Variants in CEMIP2 observed in about 807,000 individuals in gnomAD.
The protein encoded by CEMIP2 is cell surface hyaluronidase CEMIP2.
In CEMIP2, 79 loss-of-function variants were observed where a neutral mutation model predicts 146.9. The ratio of observed to expected loss-of-function variants is 0.54; its 90% CI spans 0.45 to 0.65. The LOEUF (loss-of-function observed/expected upper bound fraction) is 0.65. CEMIP2 is among the 30% of genes least tolerant of loss of function. The probability of loss-of-function intolerance (pLI) is 0.00; values close to 1 mark genes in which losing one functional copy is unlikely to be tolerated. For missense variants in CEMIP2, 1,596 were observed against 1,696.2 expected, an observed-to-expected ratio of 0.94 and a Z score of 1.04; for synonymous variants, 601 against 606.3, an observed-to-expected ratio of 0.99 and a Z score of 0.13.
At chr9:71,712,982 G>A (rs78506094) in intron 15 of CEMIP2, among the ~76,000 whole-genome samples, 93 of 152,152 alleles carry the variant, frequency 6.1e-4, no homozygotes, top group African/African-American at 2.1e-3. Context: ...CTACAACTAG[G>A]CAATGTTTTA....
intron 13 of CEMIP2, 59 bp from the exon 14 acceptor site, chr9:71,716,611 AATT>A: frequency 3.0e-6 from 4 of 1,338,292 alleles, no homozygotes; most frequent in Non-Finnish European, 2.1e-6. Context: ...AAAAAGAGGT[AATT>A]CTCTCAATAT....
chr9:71,691,528 T>C, intron 21 of CEMIP2, among the ~76,000 whole-genome samples: 1 of 151,888 alleles, frequency 6.6e-6, no homozygotes, highest in Non-Finnish European at 1.5e-5. Flanking sequence ...AGACTAGATA[T>C]GATTTCCTTA....
intron 8 of CEMIP2, 25 bp downstream of exon 8, chr9:71,730,680 G>A (rs1320863265): frequency 6.2e-7 from 1 of 1,610,030 alleles, no homozygotes; most frequent in Non-Finnish European, 8.5e-7. Flanking sequence ...AATAATATGG[G>A]TTGACCTAAT....
chr9:71,744,632 C>T (rs997052154), intron 4 of CEMIP2, among the ~76,000 whole-genome samples: 3 of 152,134 alleles, frequency 2.0e-5, no homozygotes, highest in Non-Finnish European at 4.4e-5. Flanking sequence ...GAAATTCTGC[C>T]CTAACCTTTA....
At chr9:71,741,185 A>ATTTTTTTTTT (rs79872255) in intron 4 of CEMIP2, among the ~76,000 whole-genome samples, 1 of 72,242 alleles carries the variant, frequency 1.4e-5, no homozygotes, top group Non-Finnish European at 2.5e-5. Context: ...ACTGAGTTAG[A>ATTTTTTTTTT]TTTTTTTTTT....
chr9:71,715,002 C>G lies in CEMIP2; in HGVS notation c.2523G>C (p.Gln841His). Residue 841 changes from glutamine to histidine, a missense_variant, in exon 15 of 24, where the codon CAG becomes CAC. Transcript: ENST00000377044. Reference protein sequence around the residue: ...FVGESRNYGFQGGQNKYVGTG... With the variant: ...FVGESRNYGFHGGQNKYVGTG... ...TGCCTACATACTTGTTCTGACCACCCTGAAAGCCGTAATTCCTGCTCTCCC... is the reference window on the plus strand; with the variant it reads ...TGCCTACATACTTGTTCTGACCACCGTGAAAGCCGTAATTCCTGCTCTCCC... 1 of 1,614,004 alleles carries G rather than the reference C, an allele frequency of 6.2e-7. No individual in the cohort carries two copies. The highest frequency in any genetic ancestry group is 8.5e-7 in the Non-Finnish European group (1 of 1,179,950).
At position 71,734,921 on chromosome 9, in the gene CEMIP2, A is replaced by G. The variant is rs754724364; in HGVS notation, c.1278T>C (p.Ser426=). Residue 426 remains serine (S), a synonymous_variant, in exon 6 of 24, where the codon AGT becomes AGC. Transcript: ENST00000377044. ...VKLNLLDDVS[S]WKPGDQIVVA... ...CCACAATCTGGTCTCCAGGTTTCCA[A>G]CTACTAACATCATCTAGCAAATTTA... 1.0e-4 allele frequency: 168 copies of G among 1,613,862 alleles called. No individual in the cohort carries two copies. Among genetic ancestry groups the G allele is most frequent in the Non-Finnish European group, 1.3e-4 (153 of 1,179,992 alleles).
rs966492030 is a variant in CEMIP2 at position 71,742,132 on chromosome 9, A to T, written c.1035-1900T>A. 2.6e-5 allele frequency among the ~76,000 whole-genome samples: 4 copies of T among 152,392 alleles called. No homozygotes were observed. In the East Asian group the frequency reaches 7.7e-4, roughly 29 times the overall value. On this transcript the variant is annotated intron_variant, in intron 4 of 23. Coordinates refer to ENST00000377044, the MANE Select transcript of CEMIP2 (RefSeq NM_013390.3). The stretch of plus-strand genomic sequence containing the variant: ...ATAACAAATGTAATCTGTGTCTGAC[A>T]GATGGCTAGATATTCACAGATAAAA...
chr9:71,714,924 C>T lies in CEMIP2; in HGVS notation c.2591+10G>A. On this transcript the variant is annotated intron_variant, in intron 15 of 23. Transcript: ENST00000377044. ...TAAATTTAACACTCCACAGCTAAAG[C>T]AATGCTTACCTGTTCCTGGGTAATG... 1 of 1,610,084 alleles carries T rather than the reference C, an allele frequency of 6.2e-7. No homozygotes were observed. The highest frequency in any genetic ancestry group is 8.5e-7 in the Non-Finnish European group (1 of 1,178,562).
intron 4 of CEMIP2, among the ~76,000 whole-genome samples, chr9:71,741,540 A>G (rs1207534062): frequency 6.6e-6 from 1 of 151,428 alleles, no homozygotes; most frequent in Non-Finnish European, 1.5e-5. Flanking sequence ...CTGTAGAATC[A>G]CTATCCAACA....
At chr9:71,688,710 T>C (rs1027075623) in intron 22 of CEMIP2, among the ~76,000 whole-genome samples, 37 of 152,094 alleles carry the variant, frequency 2.4e-4, no homozygotes, top group Non-Finnish European at 8.8e-5. Flanking sequence ...TCTAAAGCAG[T>C]GGTGACACAA....
At chr9:71,761,336 T>G (rs556311526) in intron 1 of CEMIP2, among the ~76,000 whole-genome samples, 2 of 152,278 alleles carry the variant, frequency 1.3e-5, no homozygotes, top group African/African-American at 4.8e-5. Flanking sequence ...CAGGGATGTG[T>G]TTGAAAAACA....
chr9:71,744,969 TCACA>T (rs764523370), intron 4 of CEMIP2, 45 bp downstream of exon 4: 2 of 1,558,656 alleles, frequency 1.3e-6, no homozygotes, highest in East Asian at 2.2e-5. Flanking sequence ...CACTCTCCTC[TCACA>T]CAGACACGGA....
At chr9:71,690,024 A>T in intron 22 of CEMIP2, 68 bp downstream of exon 22, 2 of 1,568,364 alleles carry the variant, frequency 1.3e-6, no homozygotes, top group Non-Finnish European at 1.7e-6. Flanking sequence ...TTGACCAGGC[A>T]TTATCAGTTT....
chr9:71,698,085 C>G lies in CEMIP2; in HGVS notation c.3497G>C (p.Cys1166Ser), dbSNP rs1323503701. 1 of 1,614,148 alleles carries G rather than the reference C, an allele frequency of 6.2e-7. No individual in the cohort carries two copies. Among genetic ancestry groups the G allele is most frequent in the South Asian group, 1.1e-5 (1 of 91,088 alleles). ...GTACTGTGGGTATGCTTTGGCCATG[C>G]AGTTACTGATGTCCTTTGAGTCTGT... ...AATDSKDISNCMAKAYPQYYR... is the reference protein window; with the variant it reads ...AATDSKDISNSMAKAYPQYYR... The change falls in exon 20 of 24, where the codon TGC becomes TCC. Residue 1166 changes from cysteine to serine, a missense_variant. By Grantham distance (112) the Cys-to-Ser change is moderately radical (BLOSUM62 -1). Transcript: ENST00000377044.
chr9:71,729,690 T>C (rs916147005), intron 10 of CEMIP2, among the ~76,000 whole-genome samples, 155 bp downstream of exon 10: 1 of 151,766 alleles, frequency 6.6e-6, no homozygotes, highest in Admixed American at 6.6e-5. Context: ...AATAATCATC[T>C]CTACCGTATT....
At chr9:71,718,797 G>A (rs1004660048) in intron 12 of CEMIP2, among the ~76,000 whole-genome samples, 1 of 152,028 alleles carries the variant, frequency 6.6e-6, no homozygotes, top group East Asian at 1.9e-4. Flanking sequence ...GGCTGGTCTC[G>A]AACTCCTGAC....
chr9:71,737,326 C>A (rs562352731), intron 5 of CEMIP2, among the ~76,000 whole-genome samples: 1 of 151,426 alleles, frequency 6.6e-6, no homozygotes, highest in South Asian at 2.1e-4. Flanking sequence ...GTGGCACGTG[C>A]CTGTAGTTCC....
chr9:71,734,757 C>T, intron 6 of CEMIP2, 49 bp downstream of exon 6: 1 of 1,501,132 alleles, frequency 6.7e-7, no homozygotes, highest in Non-Finnish European at 9.0e-7. Flanking sequence ...GGAATCAAAT[C>T]CCAAGAAAAT....
Sources: allele counts gnomAD v4.1 joint callset (sites outside exome capture counted in the v4.1 genomes callset), GRCh38; gene constraint gnomAD v4.1.1; transcripts MANE v1.5; gene names NCBI Gene and HGNC (gene_info 2026-07-23, HGNC 2026-07-21).